The following SH3PXD2A variants were observed in gnomAD, a reference collection of about 807,000 sequenced individuals.
SH3PXD2A encodes SH3 and PX domains 2A, also known as SH3 and PX domain-containing protein 2A.
In SH3PXD2A, 32 loss-of-function variants were observed where a neutral mutation model predicts 115.2. The ratio of observed to expected loss-of-function variants is 0.28; its 90% CI spans 0.21 to 0.37. The LOEUF (loss-of-function observed/expected upper bound fraction) is 0.37. SH3PXD2A is among the 10% of genes least tolerant of loss of function. The probability of loss-of-function intolerance (pLI) is 1.00; values close to 1 mark genes in which losing one functional copy is unlikely to be tolerated. For missense variants in SH3PXD2A, 1,328 were observed against 1,498.7 expected, an observed-to-expected ratio of 0.89 and a Z score of 1.88; for synonymous variants, 610 against 629.1, an observed-to-expected ratio of 0.97 and a Z score of 0.45.
At chr10:103,741,032 G>T (rs143558992) in intron 3 of SH3PXD2A, among the ~76,000 whole-genome samples, 1 of 152,316 alleles carries the variant, frequency 6.6e-6, no homozygotes, top group Non-Finnish European at 1.5e-5. Flanking sequence ...ATACTTCCAG[G>T]TCTTCCCCCA....
At chr10:103,619,472 G>A (rs894484670) in intron 10 of SH3PXD2A, among the ~76,000 whole-genome samples, 1 of 152,204 alleles carries the variant, frequency 6.6e-6, no homozygotes, top group Admixed American at 6.5e-5. Flanking sequence ...CCATCATTAA[G>A]GTTTTCCTAG....
chr10:103,807,048 C>T (rs2039212119), intron 1 of SH3PXD2A, among the ~76,000 whole-genome samples: 2 of 152,236 alleles, frequency 1.3e-5, no homozygotes, highest in South Asian at 2.1e-4. Flanking sequence ...AAATCGCCTT[C>T]CCAGTGGGTG....
rs1249729660 is a variant in SH3PXD2A, at chr10:103,627,231, T to C, written c.605-29A>G. On this transcript the variant is annotated intron_variant, in intron 8 of 14. Transcript: ENST00000369774. This position sits in a 1 kb window ranked among gnomAD's most constrained non-coding sequence, Gnocchi z 4.4. ...CAGGGAGGACAAGAGAGAACAGGAC[T>C]GTGAGATTCTGCAGGGTGGCAGGGG... 7.3e-7 allele frequency: 1 copy of C among 1,371,654 alleles called. No homozygotes were observed. Among genetic ancestry groups the C allele is most frequent in the Non-Finnish European group, 1.0e-6 (1 of 961,476 alleles). The allele number at this position is 1,371,654 out of a possible 1,614,324, so 85.0% of individuals were successfully genotyped here.
chr10:103,829,410 C>T (rs2039464210), intron 1 of SH3PXD2A, among the ~76,000 whole-genome samples: 1 of 152,156 alleles, frequency 6.6e-6, no homozygotes, highest in Non-Finnish European at 1.5e-5. Context: ...ATAAAGGCGA[C>T]TAAAATGAAC....
rs552822164 is a variant in SH3PXD2A at position 103,834,867 on chromosome 10, G to A, written c.72+20328C>T. ...CCTGCGGCCTGTAACCACTATGTGG[G>A]CCGCTACAACCTAATCTAAGTCAGT... On this transcript the variant is annotated intron_variant, in intron 1 of 14. Coordinates refer to ENST00000369774, the MANE Select transcript of SH3PXD2A (RefSeq NM_001394015.1). 2.0e-5 allele frequency among the ~76,000 whole-genome samples: 3 copies of A among 152,362 alleles called. No homozygotes were observed. The East Asian group carries it at 5.8e-4, about 29-fold the overall frequency.
At chr10:103,812,170 G>A (rs1352000916) in intron 1 of SH3PXD2A, among the ~76,000 whole-genome samples, 2 of 152,154 alleles carry the variant, frequency 1.3e-5, no homozygotes, top group African/African-American at 4.8e-5. Context: ...TTCCAATCCT[G>A]CCACCACCCT....
At chr10:103,847,838 C>T (rs1842861533) in intron 1 of SH3PXD2A, among the ~76,000 whole-genome samples, 1 of 152,068 alleles carries the variant, frequency 6.6e-6, no homozygotes, top group South Asian at 2.1e-4. Context: ...ACTTGGGAGG[C>T]TAAGGCACGA....
At chr10:103,608,234 TCCGGAGTCCCGGAAG>T (rs2036363810) in intron 13 of SH3PXD2A, among the ~76,000 whole-genome samples, 1 of 144,924 alleles carries the variant, frequency 6.9e-6, no homozygotes, top group Non-Finnish European at 1.5e-5. Flanking sequence ...GAGTCAGGCT[TCCGGAGTCCCGGAAG>T]CCGGGAGAGA....
intron 6 of SH3PXD2A, among the ~76,000 whole-genome samples, chr10:103,686,297 C>T (rs989700902): frequency 6.6e-6 from 1 of 152,256 alleles, no homozygotes; most frequent in Non-Finnish European, 1.5e-5. Context: ...TCAGGCTCTC[C>T]TGACAACAGC....
chr10:103,639,632 A>T (rs1564851282), intron 8 of SH3PXD2A, among the ~76,000 whole-genome samples: 1 of 86,076 alleles, frequency 1.2e-5, no homozygotes, highest in East Asian at 2.7e-4. Context: ...AAAAAGAAAA[A>T]GAAAAAAAAA....
At chr10:103,660,775 G>A (rs1326231169) in intron 8 of SH3PXD2A, among the ~76,000 whole-genome samples, 3 of 152,204 alleles carry the variant, frequency 2.0e-5, no homozygotes, top group Non-Finnish European at 2.9e-5. Context: ...TAATTACCCC[G>A]AGCAAGGAGA....
In SH3PXD2A at chr10:103,693,066, A is replaced by C. The variant is rs1223908382; in HGVS notation, c.399-10T>G. 1.2e-6 allele frequency: 2 copies of C among 1,613,424 alleles called. No individual in the cohort carries two copies. Among genetic ancestry groups the C allele is most frequent in the Non-Finnish European group, 1.7e-6 (2 of 1,179,530 alleles). On this transcript the variant is annotated splice_polypyrimidine_tract_variant and intron_variant, in intron 5 of 14. Coordinates refer to ENST00000369774, the MANE Select transcript of SH3PXD2A (RefSeq NM_001394015.1). ...GGAACTGCCATAGTCCCTGAAAAAG[A>C]AGCAACAACAGATAGACATGGTTAG... is the stretch of plus-strand genomic sequence containing the variant.
At chr10:103,651,968 C>A (rs1408464028) in intron 8 of SH3PXD2A, among the ~76,000 whole-genome samples, 1 of 152,226 alleles carries the variant, frequency 6.6e-6, no homozygotes, top group Non-Finnish European at 1.5e-5. Context: ...TCTGCTATCG[C>A]ACACCAGTCT....
At chr10:103,651,592 CT>C (rs2037124016) in intron 8 of SH3PXD2A, among the ~76,000 whole-genome samples, 1 of 152,230 alleles carries the variant, frequency 6.6e-6, no homozygotes, top group Admixed American at 6.5e-5. Flanking sequence ...GCTGTGCAAC[CT>C]TGGGGCAAGT....
chr10:103,785,027 G>A (rs1165502948), intron 2 of SH3PXD2A, among the ~76,000 whole-genome samples: 1 of 152,186 alleles, frequency 6.6e-6, no homozygotes. Flanking sequence ...CTCAACAAAT[G>A]TGATCAGGTG....
At position 103,811,116 on chromosome 10, in the gene SH3PXD2A, C is replaced by T. The variant is rs114325333; in HGVS notation, c.73-9754G>A. On this transcript the variant is annotated intron_variant, in intron 1 of 14. Transcript: ENST00000369774. ...GTCCGCTGAAAGGATGAACGTGCTG[C>T]GGTTGGCCCCTCTGGGGCTGGACAC... Among the ~76,000 whole-genome samples, 554 of 152,304 alleles carry T rather than the reference C, an allele frequency of 3.6e-3. 5 individuals carry two copies. Among genetic ancestry groups the T allele is most frequent in the African/African-American group, 9.1e-3 (380 of 41,558 alleles).
intron 4 of SH3PXD2A, among the ~76,000 whole-genome samples, chr10:103,725,863 T>TAAATA (rs1166979298): frequency 6.6e-6 from 1 of 151,298 alleles, no homozygotes; most frequent in Non-Finnish European, 1.5e-5. Flanking sequence ...AAAATAAAAA[T>TAAATA]AAATAAAATA....
At chr10:103,663,473 T>C (rs2037341053) in intron 7 of SH3PXD2A, among the ~76,000 whole-genome samples, 1 of 152,274 alleles carries the variant, frequency 6.6e-6, no homozygotes, top group Non-Finnish European at 1.5e-5. Context: ...CTGCCTCTGA[T>C]TTGTTTCCAT....
intron 8 of SH3PXD2A, among the ~76,000 whole-genome samples, chr10:103,659,803 C>A (rs1441379200): frequency 6.6e-6 from 1 of 152,156 alleles, no homozygotes; most frequent in African/African-American, 2.4e-5. Context: ...CAGCCCTGTT[C>A]TCTGGAGCCA....
Sources: gnomAD v4.1 joint callset for allele counts (sites outside exome capture counted in the v4.1 genomes callset) on GRCh38, gnomAD v4.1.1 for gene constraint, Gnocchi (gnomAD v3.1) non-coding constraint, MANE v1.5 for transcripts, NCBI Gene and HGNC (gene_info 2026-07-23, HGNC 2026-07-21) for gene names.